Variants in AGTR1 observed in about 807,000 individuals in gnomAD.
AGTR1 encodes the protein type-1 angiotensin II receptor.
In AGTR1, 16 loss-of-function variants were observed where a neutral mutation model predicts 19.4. The ratio of observed to expected loss-of-function variants is 0.82; its 90% confidence interval spans 0.56 to 1.25. AGTR1 has a LOEUF of 1.25. Ranked by LOEUF, AGTR1 falls within the 50% of genes most tolerant of loss-of-function variation. AGTR1 has a pLI of 0.00. For missense variants in AGTR1, 373 were observed against 431.9 expected, an observed-to-expected ratio of 0.86 and a Z score of 1.21; for synonymous variants, 153 against 154.9, an observed-to-expected ratio of 0.99 and a Z score of 0.09.
intron 2 of AGTR1, among the ~76,000 whole-genome samples, chr3:148,711,904 T>C (rs1274239443): frequency 6.6e-6 from 1 of 152,014 alleles, no homozygotes; most frequent in Non-Finnish European, 1.5e-5. Context: ...ACATGCACTA[T>C]GCCCAGCTAA....
chr3:148,724,983 C>T (rs566535682), intron 2 of AGTR1, among the ~76,000 whole-genome samples: 1 of 152,120 alleles, frequency 6.6e-6, no homozygotes, highest in African/African-American at 2.4e-5. Flanking sequence ...TTTGTTTTTC[C>T]ATTATTTTAT....
chr3:148,741,007 T>G lies in AGTR1; in HGVS notation c.-29T>G. ...TCCCCAGGTGTATTTGATATAGTGT[T>G]TGCAACAAATTCGACCCAGGTGATC... is the stretch of plus-strand genomic sequence containing the variant. On this transcript the variant is annotated 5_prime_UTR_variant, in exon 3 of 3. Coordinates refer to ENST00000349243, the MANE Select transcript of AGTR1 (RefSeq NM_000685.5). 1.2e-6 allele frequency: 2 copies of G among 1,613,322 alleles called. No individual in the cohort carries two copies. Among genetic ancestry groups the G allele is most frequent in the Non-Finnish European group, 1.7e-6 (2 of 1,179,738 alleles).
intron 2 of AGTR1, among the ~76,000 whole-genome samples, chr3:148,738,456 G>C (rs1324259566): frequency 2.6e-5 from 4 of 151,816 alleles, no homozygotes; most frequent in Non-Finnish European, 5.9e-5. Context: ...ACAAATGACT[G>C]CTAGCCCTAA....
intron 2 of AGTR1, among the ~76,000 whole-genome samples, chr3:148,710,562 T>G (rs1288951702): frequency 6.6e-6 from 1 of 152,170 alleles, no homozygotes. Context: ...TTTTCTTTAG[T>G]TTTCCAGTAA....
At chr3:148,720,859 CAATT>C (rs1219500193) in intron 2 of AGTR1, among the ~76,000 whole-genome samples, 4 of 152,110 alleles carry the variant, frequency 2.6e-5, no homozygotes, top group African/African-American at 4.8e-5. Context: ...CAGATGTTCT[CAATT>C]AATAGTTTTA....
chr3:148,717,251 G>T (rs539189926), intron 2 of AGTR1, among the ~76,000 whole-genome samples: 157 of 152,182 alleles, frequency 1.0e-3, no homozygotes, highest in Non-Finnish European at 1.9e-3. Flanking sequence ...CTGGTGTCAG[G>T]CACTGTGTCA....
Position 148,698,145 on chromosome 3 carries a change from G to T in AGTR1, c.-132+18G>T, listed in dbSNP as rs971852664. 2.0e-5 allele frequency: 3 copies of T among 152,268 alleles called. No individual in the cohort carries two copies. Among genetic ancestry groups the T allele is most frequent in the African/African-American group, 7.2e-5 (3 of 41,452 alleles). The allele number at this position is 152,268 out of a possible 1,614,324, so 9.4% of individuals were successfully genotyped here. On this transcript the variant is annotated intron_variant, in intron 1 of 2. Coordinates refer to ENST00000349243, the MANE Select transcript of AGTR1 (RefSeq NM_000685.5). The stretch of plus-strand genomic sequence containing the variant: ...GGGCGCGGGTGAGTCCGCGCGGACC[G>T]CCAGGCATGCTTGGGGGACTTCAAG...
chr3:148,713,934 C>A (rs1481321454), intron 2 of AGTR1, among the ~76,000 whole-genome samples: 1 of 152,294 alleles, frequency 6.6e-6, no homozygotes, highest in Admixed American at 6.5e-5. Flanking sequence ...ATCCCAATGG[C>A]ACTTCAGTTT....
rs535952124 is a variant in AGTR1, at chr3:148,727,151, A to G, written c.-47-13838A>G. ...AAGCAGTTTTGTAGAGAAGGCAAGT[A>G]ACAGAGAATCAAGCTAAGTAAGTGA... On this transcript the variant is annotated intron_variant, in intron 2 of 2. Coordinates refer to ENST00000349243, the MANE Select transcript of AGTR1 (RefSeq NM_000685.5). 2.0e-5 allele frequency among the ~76,000 whole-genome samples: 3 copies of G among 152,366 alleles called. No homozygotes were observed. The East Asian group carries it at 5.8e-4, about 29-fold the overall frequency.
chr3:148,732,995 C>T (rs1313166130), intron 2 of AGTR1, among the ~76,000 whole-genome samples: 4 of 151,962 alleles, frequency 2.6e-5, no homozygotes, highest in African/African-American at 9.7e-5. Context: ...CCGCCTCGGC[C>T]TCCCAAAGTG....
At chr3:148,709,124 CT>C (rs958923282) in intron 2 of AGTR1, among the ~76,000 whole-genome samples, 9 of 151,628 alleles carry the variant, frequency 5.9e-5, no homozygotes, top group Admixed American at 3.3e-4. Flanking sequence ...GGTTTTTTTT[CT>C]GATTTTGTTT....
At position 148,742,294 on chromosome 3, in the gene AGTR1, C is replaced by G. The variant is rs1342219736; in HGVS notation, c.*179C>G. On this transcript the variant is annotated 3_prime_UTR_variant, in exon 3 of 3. Transcript: ENST00000349243. ...GAACAAAAGCTTTTCTTTCCTTTTG[C>G]AACAAGACAAAGCAAAGCCACATTT... 6 of 926,138 alleles carry G rather than the reference C, an allele frequency of 6.5e-6. No homozygotes were observed. Among genetic ancestry groups the G allele is most frequent in the Non-Finnish European group, 1.1e-5 (6 of 565,550 alleles). 57.4% of individuals were successfully genotyped at this position (926,138 alleles called of 1,614,324 possible). A position where few individuals can be genotyped will look rare whatever the true frequency, so the allele number is the denominator to read the frequency against.
At chr3:148,729,212 G>A (rs945929125) in intron 2 of AGTR1, among the ~76,000 whole-genome samples, 8 of 152,162 alleles carry the variant, frequency 5.3e-5, no homozygotes, top group African/African-American at 7.2e-5. Context: ...GAGAACTTGC[G>A]ATGGCAAAGT....
At chr3:148,737,765 G>A (rs1399278397) in intron 2 of AGTR1, among the ~76,000 whole-genome samples, 1 of 152,162 alleles carries the variant, frequency 6.6e-6, no homozygotes, top group Admixed American at 6.5e-5. Flanking sequence ...TGGGCAGGGA[G>A]TTCTGGTCAT....
At chr3:148,718,085 A>G (rs1393721138) in intron 2 of AGTR1, among the ~76,000 whole-genome samples, 1 of 152,198 alleles carries the variant, frequency 6.6e-6, no homozygotes, top group Non-Finnish European at 1.5e-5. Flanking sequence ...AAGCCACACT[A>G]GACGTCCTTA....
intron 2 of AGTR1, chr3:148,730,528 G>A: frequency 3.8e-6 from 1 of 260,112 alleles, no homozygotes; most frequent in Non-Finnish European, 7.2e-6. Context: ...CTCATATTCA[G>A]TTTTTGATGC....
At position 148,709,749 on chromosome 3, in the gene AGTR1, C is replaced by T. The variant is rs1712875638; in HGVS notation, c.-48+1722C>T. On this transcript the variant is annotated intron_variant, in intron 2 of 2. Coordinates refer to ENST00000349243, the MANE Select transcript of AGTR1 (RefSeq NM_000685.5). ...TGCAATCTCCCTTTAAAACTTTTAC[C>T]AACTTAAAACTACAGAACTCTGATC... is the stretch of plus-strand genomic sequence containing the variant. Among the ~76,000 whole-genome samples the T allele has an allele frequency of 3.9e-5, 6 of 152,010 alleles. No individual in the cohort carries two copies. The South Asian group carries it at 1.2e-3, about 32-fold the overall frequency.
chr3:148,704,989 A>G (rs1712586357), intron 1 of AGTR1, among the ~76,000 whole-genome samples: 1 of 152,230 alleles, frequency 6.6e-6, no homozygotes, highest in African/African-American at 2.4e-5. Flanking sequence ...GGCTGCCATC[A>G]TGACAAGTAG....
At chr3:148,723,648 G>C (rs908445269) in intron 2 of AGTR1, among the ~76,000 whole-genome samples, 3 of 152,196 alleles carry the variant, frequency 2.0e-5, no homozygotes, top group Admixed American at 6.5e-5. Context: ...CAAGAACAAT[G>C]AGGGGTAGGG....
Sources: gnomAD v4.1 joint callset for allele counts (sites outside exome capture counted in the v4.1 genomes callset) on GRCh38, gnomAD v4.1.1 for gene constraint, MANE v1.5 for transcripts, NCBI Gene and HGNC (gene_info 2026-07-23, HGNC 2026-07-21) for gene names.